Variants in TMEM26 observed in about 807,000 individuals in gnomAD.
The protein encoded by TMEM26 is transmembrane protein 26.
A neutral mutation model predicts 28.8 loss-of-function variants in TMEM26; 38 were observed. The observed-to-expected ratio is 1.32, with a 90% CI of 1.02 to 1.73. TMEM26 has a LOEUF of 1.73. Ranked by LOEUF, TMEM26 falls within the 40% of genes most tolerant of loss-of-function variation. The probability of loss-of-function intolerance (pLI) is 0.00; values close to 1 mark genes in which losing one functional copy is unlikely to be tolerated. For synonymous variants in TMEM26, 227 were observed against 182.9 expected (o/e 1.24, Z -1.95); for missense variants, 518 against 447.1 (o/e 1.16, Z -1.43).
At position 61,414,895 on chromosome 10, in the gene TMEM26, T is replaced by G. The variant is rs569689356; in HGVS notation, c.606-1360A>C. On this transcript the variant is annotated intron_variant, in intron 4 of 5. Coordinates refer to ENST00000399298, the MANE Select transcript of TMEM26 (RefSeq NM_178505.8). ...ACAAGGCTTCTGAAAAAGTCTCCCA[T>G]AGTGTCCTCATTAACAAAATTAAGA... 3.9e-6 allele frequency: 3 copies of G among 771,016 alleles called. No individual in the cohort carries two copies. The South Asian group carries it at 1.8e-4, about 45-fold the overall frequency. 47.8% of individuals were successfully genotyped at this position (771,016 alleles called of 1,614,324 possible).
At chr10:61,427,247 T>C (rs1439093995) in intron 4 of TMEM26, among the ~76,000 whole-genome samples, 1 of 152,244 alleles carries the variant, frequency 6.6e-6, no homozygotes, top group African/African-American at 2.4e-5. Flanking sequence ...TGGTAGGTGA[T>C]AGAAGAAATT....
chr10:61,430,477 A>G (rs1564478040), intron 3 of TMEM26, among the ~76,000 whole-genome samples: 1 of 151,940 alleles, frequency 6.6e-6, no homozygotes, highest in Non-Finnish European at 1.5e-5. Flanking sequence ...ACGAGAAAAT[A>G]AAATAAAAGG....
At chr10:61,419,497 G>C (rs1256727103) in intron 4 of TMEM26, among the ~76,000 whole-genome samples, 1 of 151,894 alleles carries the variant, frequency 6.6e-6, no homozygotes, top group African/African-American at 2.4e-5. Context: ...TGGTTAAATA[G>C]AAACTCTAGA....
At chr10:61,426,484 A>G (rs1011572788) in intron 4 of TMEM26, among the ~76,000 whole-genome samples, 1 of 152,156 alleles carries the variant, frequency 6.6e-6, no homozygotes, top group African/African-American at 2.4e-5. Flanking sequence ...ATGTAAATCC[A>G]TAAAACTTAG....
chr10:61,451,706 T>A (rs556496491), intron 1 of TMEM26, among the ~76,000 whole-genome samples: 1 of 152,302 alleles, frequency 6.6e-6, no homozygotes, highest in South Asian at 2.1e-4. Flanking sequence ...CTGGTCGTAT[T>A]AAATTAGGAT....
At chr10:61,448,430 A>G (rs1416680762) in intron 1 of TMEM26, among the ~76,000 whole-genome samples, 1 of 152,226 alleles carries the variant, frequency 6.6e-6, no homozygotes, top group African/African-American at 2.4e-5. Context: ...AAAACGGGAG[A>G]AAACAGAGAA....
chr10:61,441,014 G>C (rs746576555), intron 1 of TMEM26, among the ~76,000 whole-genome samples: 4 of 152,128 alleles, frequency 2.6e-5, no homozygotes, highest in Non-Finnish European at 4.4e-5. Context: ...ATGTTATGTA[G>C]ATAGTTGCTG....
rs1222913954 is a variant in TMEM26 at position 61,407,417 on chromosome 10, T to A, written c.*2905A>T. On this transcript the variant is annotated 3_prime_UTR_variant, in exon 6 of 6. Transcript: ENST00000399298. ...CTCTTCACTGGAAGATTATAAAGCA[T>A]GTTATTGGCCAATTCAAAATTTTAT... 1 of 152,142 alleles carries A rather than the reference T, an allele frequency of 6.6e-6. No individual in the cohort carries two copies. Among genetic ancestry groups the A allele is most frequent in the Non-Finnish European group, 1.5e-5 (1 of 68,018 alleles). 9.4% of individuals were successfully genotyped at this position (152,142 alleles called of 1,614,324 possible).
In TMEM26 at chr10:61,453,369, A is replaced by C; in HGVS notation, c.-288T>G. On this transcript the variant is annotated 5_prime_UTR_variant, in exon 1 of 6. Coordinates refer to ENST00000399298, the MANE Select transcript of TMEM26 (RefSeq NM_178505.8). ...TGCGCTGCCCTGTCTCCAGGGCGTT[A>C]TTCTCCAGCGCTGCCCATCCCCCTC... The C allele has an allele frequency of 3.1e-6, 1 of 326,164 alleles. No homozygotes were observed. The highest frequency in any genetic ancestry group is 2.1e-5 in the African/African-American group (1 of 48,172). 20.2% of individuals were successfully genotyped at this position (326,164 alleles called of 1,614,324 possible). A position where few individuals can be genotyped will look rare whatever the true frequency, so the allele number is the denominator to read the frequency against.
intron 2 of TMEM26, among the ~76,000 whole-genome samples, chr10:61,433,154 A>G (rs1395800018): frequency 6.6e-6 from 1 of 152,194 alleles, no homozygotes; most frequent in Non-Finnish European, 1.5e-5. Flanking sequence ...TTAGTGCAGT[A>G]GAAGATAACT....
At chr10:61,435,941 T>A (rs1254873705) in intron 2 of TMEM26, among the ~76,000 whole-genome samples, 1 of 152,208 alleles carries the variant, frequency 6.6e-6, no homozygotes, top group Non-Finnish European at 1.5e-5. Context: ...ACACAAAATG[T>A]TAATTCACTA....
intron 3 of TMEM26, among the ~76,000 whole-genome samples, chr10:61,430,243 G>A (rs1347345770): frequency 6.6e-6 from 1 of 151,894 alleles, no homozygotes; most frequent in Non-Finnish European, 1.5e-5. Context: ...TAGAACCCAA[G>A]GTTCATTCCA....
At chr10:61,423,544 A>C (rs533164254) in intron 4 of TMEM26, among the ~76,000 whole-genome samples, 1 of 152,298 alleles carries the variant, frequency 6.6e-6, no homozygotes, top group South Asian at 2.1e-4. Flanking sequence ...GTTCAAGAGC[A>C]GACTGGGAAA....
In TMEM26 at chr10:61,413,522, G is replaced by C; in HGVS notation, c.619C>G (p.Leu207Val). Residue 207 changes from leucine (L) to valine (V), a missense_variant, in exon 5 of 6, where the codon CTA (leucine) becomes GTA (valine). By Grantham distance (32) the Leu-to-Val change is conservative. Coordinates refer to ENST00000399298, the MANE Select transcript of TMEM26 (RefSeq NM_178505.8). The part of the protein sequence containing the change: ...EEQNVRNSPA[L>V]VYAILVIWTW... The stretch of plus-strand genomic sequence containing the variant: ...CATATAACAAGGATGGCATAGACTA[G>C]TGCAGGACTATTCCTAGAATACAGA... 1 of 1,608,654 alleles carries C rather than the reference G, an allele frequency of 6.2e-7. No homozygotes were observed. The highest frequency in any genetic ancestry group is 8.5e-7 in the Non-Finnish European group (1 of 1,177,950).
chr10:61,429,654 G>T (rs1326010319), intron 3 of TMEM26, among the ~76,000 whole-genome samples: 1 of 151,758 alleles, frequency 6.6e-6, no homozygotes, highest in East Asian at 1.9e-4. Flanking sequence ...ATGTAATAAT[G>T]TTTATCGATT....
At chr10:61,446,522 A>T (rs190812129) in intron 1 of TMEM26, among the ~76,000 whole-genome samples, 3 of 152,244 alleles carry the variant, frequency 2.0e-5, no homozygotes, top group Admixed American at 2.0e-4. Context: ...ATTATGTCTT[A>T]AAAAATGTAT....
At chr10:61,437,787 A>T (rs1418026286) in intron 1 of TMEM26, among the ~76,000 whole-genome samples, 1 of 152,188 alleles carries the variant, frequency 6.6e-6, no homozygotes, top group African/African-American at 2.4e-5. Flanking sequence ...CCGTCTCAAG[A>T]AAAAACAAAC....
chr10:61,449,601 TA>T (rs1273942865), intron 1 of TMEM26, among the ~76,000 whole-genome samples: 1 of 152,204 alleles, frequency 6.6e-6, no homozygotes, highest in Non-Finnish European at 1.5e-5. Context: ...AAATTTGAAT[TA>T]AAAGAACAAT....
intron 2 of TMEM26, among the ~76,000 whole-genome samples, chr10:61,431,830 A>G (rs949113490): frequency 6.6e-6 from 1 of 152,144 alleles, no homozygotes; most frequent in African/African-American, 2.4e-5. Flanking sequence ...TCCATCACCC[A>G]GGTAGTGAGC....
Sources: gnomAD v4.1 joint callset for allele counts (sites outside exome capture counted in the v4.1 genomes callset) on GRCh38, gnomAD v4.1.1 for gene constraint, MANE v1.5 for transcripts, NCBI Gene and HGNC (gene_info 2026-07-23, HGNC 2026-07-21) for gene names.